Variants in KIF13A observed in about 807,000 individuals in gnomAD.
KIF13A encodes kinesin-like protein KIF13A.
In KIF13A, 79 loss-of-function variants were observed where a neutral mutation model predicts 212.2. That is an observed-to-expected ratio of 0.37 (90% confidence interval 0.31 to 0.45). The LOEUF (loss-of-function observed/expected upper bound fraction) is 0.45, where lower values mean the gene tolerates loss of function less well. KIF13A is among the 20% of genes least tolerant of loss of function. KIF13A has a pLI of 1.00. For synonymous variants in KIF13A, 789 were observed against 808.6 expected (o/e 0.98, Z 0.41); for missense variants, 1,901 against 2,209.0 (o/e 0.86, Z 2.79).
Position 17,855,434 on chromosome 6 carries a change from T to C in KIF13A, c.494+3A>G. 1 of 1,601,754 alleles carries C rather than the reference T, an allele frequency of 6.2e-7. No individual in the cohort carries two copies. On this transcript the variant is annotated splice_donor_region_variant and intron_variant, in intron 6 of 38. Coordinates refer to ENST00000259711, the MANE Select transcript of KIF13A (RefSeq NM_022113.6). This position sits in a 1 kb window ranked among gnomAD's most constrained non-coding sequence, Gnocchi z 4.1. ...ACACACTTAATCTTGACCACTAACT[T>C]ACCCTTTGGGGTCTAAAAGATCCCG...
chr6:17,781,105 G>C lies in KIF13A; in HGVS notation c.3669+72C>G, dbSNP rs1760532484. 2 of 1,579,674 alleles carry C rather than the reference G, an allele frequency of 1.3e-6. 1 individual carries two copies. The highest frequency in any genetic ancestry group is 2.2e-5 in the South Asian group (2 of 89,712). ...TTTTTCCCCAAAGCAAACCATAGCA[G>C]TTTAGTGAGCAGGCCCACAAGCCTT... On this transcript the variant is annotated intron_variant, in intron 30 of 38. Coordinates refer to ENST00000259711, the MANE Select transcript of KIF13A (RefSeq NM_022113.6).
intron 16 of KIF13A, among the ~76,000 whole-genome samples, chr6:17,821,572 T>TGTGTGTGTGTGTGTGTGTGTGTGTGG (rs1562016868): frequency 6.6e-6 from 1 of 150,866 alleles, no homozygotes; most frequent in Admixed American, 6.6e-5. Flanking sequence ...TGTGTGTGTG[T>TGTGTGTGTGTGTGTGTGTGTGTGTGG]GTGTGTGTGT....
intron 3 of KIF13A, among the ~76,000 whole-genome samples, chr6:17,874,866 G>C (rs549766073): frequency 1.3e-5 from 2 of 151,204 alleles, no homozygotes; most frequent in Admixed American, 6.6e-5. Flanking sequence ...GACATACAAC[G>C]TTTGGTTTTC....
chr6:17,975,279 G>T (rs887716020), intron 2 of KIF13A, among the ~76,000 whole-genome samples: 5 of 152,186 alleles, frequency 3.3e-5, no homozygotes, highest in Admixed American at 2.0e-4. Flanking sequence ...TTTGAATCTG[G>T]GAGGTGAAGG....
chr6:17,874,730 A>G (rs1770345817), intron 3 of KIF13A, among the ~76,000 whole-genome samples: 1 of 151,880 alleles, frequency 6.6e-6, no homozygotes, highest in South Asian at 2.1e-4. Context: ...AGCAGTGTAC[A>G]CTGCATCATA....
rs201689397 is a variant in KIF13A at position 17,837,798 on chromosome 6, A to C, written c.831-215T>G. On this transcript the variant is annotated intron_variant, in intron 9 of 38. Transcript: ENST00000259711. This position sits in a 1 kb window ranked among gnomAD's most constrained non-coding sequence, Gnocchi z 5.4. ...GAAACTCTGTCTCTACTAAAAATAC[A>C]AAAAATTAGCTGGGCGTGGTGGCAG... 2.7e-4 allele frequency among the ~76,000 whole-genome samples: 41 copies of C among 152,050 alleles called. No individual in the cohort carries two copies. The East Asian group carries it at 4.3e-3, about 16-fold the overall frequency.
chr6:17,811,096 T>G lies in KIF13A; in HGVS notation c.2001-2166A>C, dbSNP rs1158408396. Reference sequence around the variant, plus strand: ...CATGCCAATCTGCCCACCCAAAATGTCCTTCTTACTTTCTCTCTGCTGGTC... The same window carrying G: ...CATGCCAATCTGCCCACCCAAAATGGCCTTCTTACTTTCTCTCTGCTGGTC... On this transcript the variant is annotated intron_variant, in intron 17 of 38. Transcript: ENST00000259711. This position sits in a 1 kb window ranked among gnomAD's most constrained non-coding sequence, Gnocchi z 6.0. 1.3e-5 allele frequency among the ~76,000 whole-genome samples: 2 copies of G among 152,204 alleles called. No homozygotes were observed. The highest frequency in any genetic ancestry group is 2.9e-5 in the Non-Finnish European group (2 of 68,042).
intron 2 of KIF13A, among the ~76,000 whole-genome samples, chr6:17,908,695 C>A (rs1456159383): frequency 6.6e-6 from 1 of 151,530 alleles, no homozygotes; most frequent in Non-Finnish European, 1.5e-5. Context: ...AACCCTGTTT[C>A]TTTTTAAAAA....
At position 17,769,848 on chromosome 6, in the gene KIF13A, T is replaced by C. The variant is rs1759333542; in HGVS notation, c.4581+1266A>G. 6.6e-6 allele frequency among the ~76,000 whole-genome samples: 1 copy of C among 151,996 alleles called. No homozygotes were observed. The highest frequency in any genetic ancestry group is 1.5e-5 in the Non-Finnish European group (1 of 68,014). ...TAAGTGAGAGAACAGCTCAGTAAGA[T>C]TTGGAGAGATGAAGGAGCAGCTATT... On this transcript the variant is annotated intron_variant, in intron 38 of 38. Transcript: ENST00000259711. The surrounding 1 kb of genome is among the most constrained non-coding windows in gnomAD (Gnocchi z 5.8).
Position 17,971,706 on chromosome 6 carries a change from T to C in KIF13A, c.146+15348A>G, listed in dbSNP as rs938696365. The stretch of plus-strand genomic sequence containing the variant: ...TCCCAAAGAATTGGGATTACAGGAG[T>C]GAGTCACCACGTCCGGCTTGCTCTT... On this transcript the variant is annotated intron_variant, in intron 2 of 38. Transcript: ENST00000259711. This position sits in a 1 kb window ranked among gnomAD's most constrained non-coding sequence, Gnocchi z 4.2. Among the ~76,000 whole-genome samples, 1 of 152,078 alleles carries C rather than the reference T, an allele frequency of 6.6e-6. No individual in the cohort carries two copies. Among genetic ancestry groups the C allele is most frequent in the Non-Finnish European group, 1.5e-5 (1 of 68,012 alleles).
chr6:17,913,714 C>T (rs1027895263), intron 2 of KIF13A, among the ~76,000 whole-genome samples: 1 of 152,090 alleles, frequency 6.6e-6, no homozygotes, highest in Non-Finnish European at 1.5e-5. Context: ...GATCTGGTGT[C>T]AATCCACCGA....
intron 6 of KIF13A, 68 bp from the exon 7 acceptor site, chr6:17,852,110 T>A: frequency 1.4e-6 from 1 of 733,078 alleles, no homozygotes; most frequent in Non-Finnish European, 2.1e-6. Context: ...TCTCTTTAAG[T>A]ACACAGTAAC....
intron 17 of KIF13A, among the ~76,000 whole-genome samples, chr6:17,813,219 C>T (rs1234411988): frequency 1.3e-5 from 2 of 152,142 alleles, no homozygotes; most frequent in Admixed American, 6.5e-5. Context: ...GTGGCTCACG[C>T]TTATAATCCC....
chr6:17,767,740 G>C (rs1485918503), intron 38 of KIF13A, among the ~76,000 whole-genome samples: 2 of 152,152 alleles, frequency 1.3e-5, no homozygotes, highest in Non-Finnish European at 2.9e-5. Flanking sequence ...TAGTAATTTG[G>C]AGTCCTTTAT....
At chr6:17,835,772 T>C (rs1316633746) in intron 11 of KIF13A, among the ~76,000 whole-genome samples, 1 of 152,222 alleles carries the variant, frequency 6.6e-6, no homozygotes, top group African/African-American at 2.4e-5. Flanking sequence ...TTTTCAGTCT[T>C]CTATTGATTA....
chr6:17,953,253 T>C (rs1238340645), intron 2 of KIF13A, among the ~76,000 whole-genome samples: 1 of 152,090 alleles, frequency 6.6e-6, no homozygotes, highest in Non-Finnish European at 1.5e-5. Flanking sequence ...GATGATATTA[T>C]TTATGCAAAA....
intron 3 of KIF13A, among the ~76,000 whole-genome samples, chr6:17,874,586 G>A (rs995778590): frequency 1.3e-5 from 2 of 151,820 alleles, no homozygotes; most frequent in African/African-American, 4.8e-5. Flanking sequence ...ACAGGTGCTC[G>A]CCACCATGCC....
At position 17,804,345 on chromosome 6, in the gene KIF13A, G is replaced by A. The variant is rs533135756; in HGVS notation, c.2454+16C>T. On this transcript the variant is annotated intron_variant, in intron 20 of 38. Coordinates refer to ENST00000259711, the MANE Select transcript of KIF13A (RefSeq NM_022113.6). ...ACTTGAACCACCATCGTTCTCCAAGGCTGGCCTGTGCTTACCTCCCCCTGC... is the reference window on the plus strand; with the variant it reads ...ACTTGAACCACCATCGTTCTCCAAGACTGGCCTGTGCTTACCTCCCCCTGC... The A allele has an allele frequency of 1.7e-5, 25 of 1,506,608 alleles. No individual in the cohort carries two copies. In the East Asian group the frequency reaches 5.8e-4, roughly 35 times the overall value. The allele number at this position is 1,506,608 out of a possible 1,614,324, so 93.3% of individuals were successfully genotyped here.
intron 2 of KIF13A, among the ~76,000 whole-genome samples, chr6:17,922,669 G>C (rs1775182204): frequency 6.6e-6 from 1 of 151,290 alleles, no homozygotes; most frequent in Admixed American, 6.6e-5. Flanking sequence ...AGGTTATTTA[G>C]AAGGACACTC....
Sources: gnomAD v4.1 joint callset for allele counts (sites outside exome capture counted in the v4.1 genomes callset) on GRCh38, gnomAD v4.1.1 for gene constraint, Gnocchi (gnomAD v3.1) non-coding constraint, MANE v1.5 for transcripts, NCBI Gene and HGNC (gene_info 2026-07-23, HGNC 2026-07-21) for gene names.